ZFHX3: variants seen among roughly 807,000 people sequenced by gnomAD.
ZFHX3 encodes the protein zinc finger homeobox 3, also known as zinc finger homeobox protein 3.
A neutral mutation model predicts 279.1 loss-of-function variants in ZFHX3; 42 were observed. That is an observed-to-expected ratio of 0.15 (90% CI 0.12 to 0.19). ZFHX3 has a LOEUF of 0.19. Ranked by LOEUF, ZFHX3 falls within the 10% of genes least tolerant of loss-of-function variation. The pLI is 1.00. For synonymous variants in ZFHX3, 2,293 were observed against 1,957.8 expected, an observed-to-expected ratio of 1.17 and a Z score of -4.52; for missense variants, 4,981 against 4,754.0, an observed-to-expected ratio of 1.05 and a Z score of -1.40.
At chr16:73,000,059 AT>A (rs1296864996) in intron 1 of ZFHX3, among the ~76,000 whole-genome samples, 1 of 152,208 alleles carries the variant, frequency 6.6e-6, no homozygotes, top group African/African-American at 2.4e-5. Flanking sequence ...CCGGAGCCCC[AT>A]GGGGACAGGG....
chr16:73,446,482 G>A (rs1361147690), intron 3 of ZFHX3, among the ~76,000 whole-genome samples: 2 of 152,050 alleles, frequency 1.3e-5, no homozygotes, highest in East Asian at 1.9e-4. Context: ...GAACAGCATG[G>A]GGAAACCTCC....
At chr16:73,722,844 G>T (rs1218336488) in intron 1 of ZFHX3, among the ~76,000 whole-genome samples, 8 of 152,172 alleles carry the variant, frequency 5.3e-5, no homozygotes. Flanking sequence ...AATGCAGGAA[G>T]ATGTAAGCAG....
chr16:73,275,344 C>G (rs917699397), intron 4 of ZFHX3, among the ~76,000 whole-genome samples: 1 of 152,004 alleles, frequency 6.6e-6, no homozygotes, highest in Non-Finnish European at 1.5e-5. Flanking sequence ...TCTGTATTTC[C>G]CTCTTAGGTT....
intron 4 of ZFHX3, among the ~76,000 whole-genome samples, chr16:72,850,237 A>G (rs575730191): frequency 6.6e-6 from 1 of 152,276 alleles, no homozygotes; most frequent in Non-Finnish European, 1.5e-5. Flanking sequence ...TCACACCTAC[A>G]AAGTCACACC....
chr16:73,621,235 C>T (rs958653188), intron 2 of ZFHX3, among the ~76,000 whole-genome samples: 7 of 152,190 alleles, frequency 4.6e-5, no homozygotes, highest in Non-Finnish European at 7.3e-5. Context: ...CCTTCCGCAG[C>T]GTTACCTACG....
chr16:72,978,947 GTTC>G (rs1383591863), intron 1 of ZFHX3, among the ~76,000 whole-genome samples: 3 of 152,284 alleles, frequency 2.0e-5, no homozygotes, highest in Admixed American at 6.5e-5. Context: ...TAGGACAGAT[GTTC>G]TTCTCCCTCT....
chr16:73,354,903 A>G (rs2016310967), intron 3 of ZFHX3, among the ~76,000 whole-genome samples: 1 of 152,200 alleles, frequency 6.6e-6, no homozygotes, highest in Non-Finnish European at 1.5e-5. Context: ...ATGGAAATCA[A>G]TTCTGCAAGT....
chr16:72,890,853 T>A (rs375092185), intron 3 of ZFHX3, among the ~76,000 whole-genome samples: 13 of 152,234 alleles, frequency 8.5e-5, no homozygotes, highest in African/African-American at 3.1e-4. Context: ...TTTTGAAACA[T>A]CAGAGTTGAA....
intron 1 of ZFHX3, among the ~76,000 whole-genome samples, chr16:73,037,463 G>C (rs532276802): frequency 6.6e-6 from 1 of 152,266 alleles, no homozygotes; most frequent in African/African-American, 2.4e-5. Context: ...AAGTCTGCTG[G>C]GTGTGCTGGC....
intron 1 of ZFHX3, among the ~76,000 whole-genome samples, chr16:73,824,508 G>A (rs1429640234): frequency 1.8e-5 from 2 of 113,662 alleles, no homozygotes; most frequent in East Asian, 5.2e-4. Flanking sequence ...CCACTAACGT[G>A]TCATCTAGCA....
At chr16:73,600,998 GC>G (rs2052108659) in intron 2 of ZFHX3, among the ~76,000 whole-genome samples, 1 of 106,994 alleles carries the variant, frequency 9.3e-6, no homozygotes, top group African/African-American at 3.2e-5. Flanking sequence ...ATGAGTGATA[GC>G]CTTTTTTGTT....
chr16:72,852,461 T>G (rs572289161), intron 4 of ZFHX3, among the ~76,000 whole-genome samples: 1 of 152,316 alleles, frequency 6.6e-6, no homozygotes, highest in Non-Finnish European at 1.5e-5. Context: ...TTTAAGAACT[T>G]CACATCTCTT....
intron 2 of ZFHX3, among the ~76,000 whole-genome samples, chr16:73,528,446 C>T (rs2019733047): frequency 6.6e-6 from 1 of 152,198 alleles, no homozygotes; most frequent in Admixed American, 6.5e-5. Context: ...GATGCAAAAA[C>T]ACCGTAAGAG....
chr16:73,387,958 T>C (rs2016934388), intron 3 of ZFHX3, among the ~76,000 whole-genome samples: 1 of 151,878 alleles, frequency 6.6e-6, no homozygotes, highest in Non-Finnish European at 1.5e-5. Flanking sequence ...TCTGCCAAGC[T>C]GAAGATGGAG....
At chr16:73,508,761 G>C (rs2019372330) in intron 2 of ZFHX3, among the ~76,000 whole-genome samples, 1 of 152,212 alleles carries the variant, frequency 6.6e-6, no homozygotes, top group Non-Finnish European at 1.5e-5. Context: ...AATGAATACT[G>C]TGACTTAGTG....
At chr16:72,898,159 T>C (rs1256186134) in intron 3 of ZFHX3, among the ~76,000 whole-genome samples, 4 of 152,230 alleles carry the variant, frequency 2.6e-5, no homozygotes, top group Non-Finnish European at 5.9e-5. Flanking sequence ...CAATGCTGGC[T>C]TTTTATCTGC....
intron 7 of ZFHX3, among the ~76,000 whole-genome samples, chr16:73,105,410 C>CACACACACATATATATATAT (rs1966288536): frequency 8.6e-6 from 1 of 116,950 alleles, no homozygotes; most frequent in Non-Finnish European, 1.8e-5. Flanking sequence ...TATATATATA[C>CACACACACATATATATATAT]ACACACACAT....
At chr16:72,899,212 TTGAAG>T (rs1452584788) in intron 3 of ZFHX3, among the ~76,000 whole-genome samples, 6 of 152,232 alleles carry the variant, frequency 3.9e-5, no homozygotes, top group African/African-American at 1.4e-4. Flanking sequence ...AAATCTCATC[TTGAAG>T]TGTAGTCCCC....
intron 5 of ZFHX3, among the ~76,000 whole-genome samples, chr16:73,193,677 A>G (rs1168881382): frequency 6.6e-6 from 1 of 152,152 alleles, no homozygotes; most frequent in Non-Finnish European, 1.5e-5. Flanking sequence ...AAGAGGCAGT[A>G]CTGCATAGTG....
Sources: allele counts gnomAD v4.1 joint callset (sites outside exome capture counted in the v4.1 genomes callset), GRCh38; gene constraint gnomAD v4.1.1; transcripts MANE v1.5; gene names NCBI Gene and HGNC (gene_info 2026-07-23, HGNC 2026-07-21).